HDLBP: variants seen among roughly 807,000 people sequenced by gnomAD.
The protein encoded by HDLBP is vigilin.
In HDLBP, 30 loss-of-function variants were observed where a neutral mutation model predicts 137.3. The ratio of observed to expected loss-of-function variants is 0.22; its 90% confidence interval spans 0.16 to 0.30. HDLBP has a LOEUF of 0.30. Ranked by LOEUF, HDLBP falls within the 10% of genes least tolerant of loss-of-function variation. The probability of loss-of-function intolerance (pLI) is 1.00; values close to 1 mark genes in which losing one functional copy is unlikely to be tolerated. For missense variants in HDLBP, 1,119 were observed against 1,667.3 expected (o/e 0.67, Z 5.73); for synonymous variants, 606 against 596.0 (o/e 1.02, Z -0.24).
chr2:241,276,770 CA>C (rs1488851326), intron 1 of HDLBP, among the ~76,000 whole-genome samples: 2 of 152,062 alleles, frequency 1.3e-5, no homozygotes, highest in African/African-American at 4.8e-5. Flanking sequence ...TATCTAATAA[CA>C]TAGCTGCAAA....
At chr2:241,235,304 A>G (rs2070272801) in intron 22 of HDLBP, 49 bp from the exon 23 acceptor site, 2 of 1,613,170 alleles carry the variant, frequency 1.2e-6, no homozygotes, top group African/African-American at 2.7e-5. Context: ...AGAGAACAGG[A>G]AAGAGTCCAT....
chr2:241,235,372 G>A, intron 22 of HDLBP, 117 bp from the exon 23 acceptor site: 1 of 1,513,200 alleles, frequency 6.6e-7, no homozygotes, highest in Non-Finnish European at 9.2e-7. Context: ...AGGGAAGTCA[G>A]TGCCCAGTCC....
chr2:241,301,206 C>T (rs190755412), intron 1 of HDLBP, among the ~76,000 whole-genome samples: 148 of 149,804 alleles, frequency 9.9e-4, no homozygotes, highest in Non-Finnish European at 1.7e-3. Flanking sequence ...CCAGGATGGT[C>T]TCGATCTCCT....
At chr2:241,241,624 G>A (rs535220038) in intron 17 of HDLBP, among the ~76,000 whole-genome samples, 46 of 126,460 alleles carry the variant, frequency 3.6e-4, no homozygotes, top group African/African-American at 1.2e-3. Flanking sequence ...AGTGACTGGC[G>A]CTAATATACA....
chr2:241,270,739 C>A lies in HDLBP; in HGVS notation c.-102-2198G>T, dbSNP rs575258503. Among the ~76,000 whole-genome samples the A allele has an allele frequency of 6.6e-5, 10 of 152,350 alleles. No homozygotes were observed. In the East Asian group the frequency reaches 1.7e-3, roughly 26 times the overall value. On this transcript the variant is annotated intron_variant, in intron 1 of 27. Coordinates refer to ENST00000310931, the MANE Select transcript of HDLBP (RefSeq NM_005336.6). Reference sequence around the variant, plus strand: ...CGCCCTGCTCCTGGCTCTGCCTTCACAGACAACACCCACGAGGGTTTAATC... The same window carrying A: ...CGCCCTGCTCCTGGCTCTGCCTTCAAAGACAACACCCACGAGGGTTTAATC...
intron 3 of HDLBP, among the ~76,000 whole-genome samples, chr2:241,265,673 C>G (rs2073607422): frequency 6.6e-6 from 1 of 152,206 alleles, no homozygotes; most frequent in Non-Finnish European, 1.5e-5. Context: ...TGAAAAACAC[C>G]ATGAATGGAT....
At chr2:241,286,992 T>C (rs996849787) in intron 1 of HDLBP, among the ~76,000 whole-genome samples, 1 of 151,946 alleles carries the variant, frequency 6.6e-6, no homozygotes, top group Non-Finnish European at 1.5e-5. Flanking sequence ...CAGTCCCATT[T>C]CAAATAGGTC....
chr2:241,285,324 G>C (rs1342557368), intron 1 of HDLBP, among the ~76,000 whole-genome samples: 2 of 152,244 alleles, frequency 1.3e-5, no homozygotes, highest in Non-Finnish European at 2.9e-5. Context: ...AACCTGCAGT[G>C]TCTCTGCAGT....
intron 1 of HDLBP, among the ~76,000 whole-genome samples, chr2:241,292,072 T>C (rs1655389175): frequency 6.6e-6 from 1 of 151,954 alleles, no homozygotes. Context: ...AGAGAACTGG[T>C]TGATAAAGAA....
At chr2:241,309,270 G>A (rs2075687005) in intron 1 of HDLBP, among the ~76,000 whole-genome samples, 2 of 152,070 alleles carry the variant, frequency 1.3e-5, no homozygotes, top group African/African-American at 4.8e-5. Flanking sequence ...TTACCAAAAC[G>A]TGACCTCCGT....
Position 241,236,549 on chromosome 2 carries a change from G to A in HDLBP, c.2904+66C>T, listed in dbSNP as rs553342455. The A allele has an allele frequency of 7.2e-5, 110 of 1,536,232 alleles. 2 individuals are homozygous for A. The highest frequency in any genetic ancestry group is 4.1e-4 in the South Asian group (35 of 85,700). ...CAACCGTCCATCCCATCCAGGCCAC[G>A]CGTCTCCCCAGGTGCCTGCTGACTG... On this transcript the variant is annotated intron_variant, in intron 21 of 27. Transcript: ENST00000310931.
chr2:241,313,989 G>T (rs1459074771), intron 1 of HDLBP, among the ~76,000 whole-genome samples: 5 of 152,172 alleles, frequency 3.3e-5, no homozygotes, highest in African/African-American at 9.7e-5. Context: ...GCAGTAACAG[G>T]AAAGTTTAAT....
At chr2:241,308,782 C>G (rs2075666476) in intron 1 of HDLBP, among the ~76,000 whole-genome samples, 1 of 152,202 alleles carries the variant, frequency 6.6e-6, no homozygotes, top group Non-Finnish European at 1.5e-5. Context: ...TTGCCTCCTA[C>G]AGGTGACAGG....
chr2:241,294,950 A>C (rs1019170191), intron 1 of HDLBP, among the ~76,000 whole-genome samples: 4 of 152,016 alleles, frequency 2.6e-5, no homozygotes, highest in Non-Finnish European at 5.9e-5. Context: ...AAAACACTAA[A>C]AATTAGCCAG....
intron 21 of HDLBP, chr2:241,236,338 A>C: frequency 2.2e-6 from 1 of 455,156 alleles, no homozygotes; most frequent in Non-Finnish European, 4.0e-6. Flanking sequence ...ACCCTTCCAC[A>C]GCCCCCGCAC....
intron 1 of HDLBP, among the ~76,000 whole-genome samples, chr2:241,270,115 A>G (rs1350953177): frequency 1.3e-5 from 2 of 152,074 alleles, no homozygotes; most frequent in East Asian, 1.9e-4. Context: ...GCCAATCCCC[A>G]CTGTGCACCC....
chr2:241,256,186 T>G lies in HDLBP; in HGVS notation c.871A>C (p.Lys291Gln). 6.2e-7 allele frequency: 1 copy of G among 1,613,520 alleles called. No individual in the cohort carries two copies. Among genetic ancestry groups the G allele is most frequent in the Non-Finnish European group, 8.5e-7 (1 of 1,179,446 alleles). ...TTTGCCTCCTCTAAATCGTGTACCTTCTCCTCATAAATCTTCTTGATGCGA... is the reference window on the plus strand; with the variant it reads ...TTTGCCTCCTCTAAATCGTGTACCTGCTCCTCATAAATCTTCTTGATGCGA... ...VARIKKIYEE[K>Q]KKKTTTIAVE... Residue 291 changes from lysine to glutamine, a missense_variant and splice_region_variant, in exon 7 of 28, where the codon AAG (lysine) becomes CAG (glutamine). Lys to Gln is a moderately conservative substitution (Grantham distance 53). Transcript: ENST00000310931.
chr2:241,305,096 C>A (rs1197037350), intron 1 of HDLBP, among the ~76,000 whole-genome samples: 1 of 152,224 alleles, frequency 6.6e-6, no homozygotes, highest in Non-Finnish European at 1.5e-5. Flanking sequence ...CTAAACGACT[C>A]CTGCAAGTGG....
At position 241,272,046 on chromosome 2, in the gene HDLBP, T is replaced by TC. The variant is rs1481310479; in HGVS notation, c.-102-3506dup. ...TTAAAGGGACAGCAACCCCTCGGCC[T>TC]CCCCGCCTTTCATCCAAATTCGGTA... is the stretch of plus-strand genomic sequence containing the variant. On this transcript the variant is annotated intron_variant, in intron 1 of 27. Transcript: ENST00000310931. The surrounding 1 kb of genome is among the most constrained non-coding windows in gnomAD (Gnocchi z 5.6). 1 of 345,990 alleles carries TC rather than the reference T, an allele frequency of 2.9e-6. No individual in the cohort carries two copies. Among genetic ancestry groups the TC allele is most frequent in the East Asian group, 1.6e-4 (1 of 6,070 alleles). 21.4% of individuals were successfully genotyped at this position (345,990 alleles called of 1,614,324 possible). A position where few individuals can be genotyped will look rare whatever the true frequency, so the allele number is the denominator to read the frequency against.
Sources: allele counts gnomAD v4.1 joint callset (sites outside exome capture counted in the v4.1 genomes callset), GRCh38; gene constraint gnomAD v4.1.1; non-coding constraint Gnocchi (gnomAD v3.1); transcripts MANE v1.5; gene names NCBI Gene and HGNC (gene_info 2026-07-23, HGNC 2026-07-21).